The following CAPN14 variants were observed in gnomAD, a reference collection of about 807,000 sequenced individuals.
The protein encoded by CAPN14 is calpain 14, also known as calpain-14.
A neutral mutation model predicts 101.3 loss-of-function variants in CAPN14; 94 were observed. The observed-to-expected ratio is 0.93, with a 90% confidence interval of 0.79 to 1.10. The LOEUF is 1.10. Among genes scored for constraint, CAPN14 ranks in the 50% least tolerant of loss-of-function variants. The pLI is 0.00. For synonymous variants in CAPN14, 338 were observed against 317.9 expected (o/e 1.06, Z -0.67); for missense variants, 837 against 828.4 (o/e 1.01, Z -0.13).
At position 31,195,430 on chromosome 2, in the gene CAPN14, G is replaced by A. The variant is rs542453987; in HGVS notation, c.876-947C>T. 5.3e-5 allele frequency among the ~76,000 whole-genome samples: 8 copies of A among 152,250 alleles called. No individual in the cohort carries two copies. In the South Asian group the frequency reaches 1.2e-3, roughly 24 times the overall value. On this transcript the variant is annotated intron_variant, in intron 8 of 21. Coordinates refer to ENST00000403897, the MANE Select transcript of CAPN14 (RefSeq NM_001145122.2). ...CAGCTCACTGCAACCTCCGCCTCCC[G>A]GGTTCAAGCAATTCTCCTGCCTCAG...
At chr2:31,212,318 AAAAAAAAAAC>A (rs1353716720) in intron 1 of CAPN14, among the ~76,000 whole-genome samples, 3 of 151,304 alleles carry the variant, frequency 2.0e-5, no homozygotes, top group East Asian at 1.9e-4. Flanking sequence ...AAAACAAAAA[AAAAAAAAAAC>A]AAAAAAAACA....
At chr2:31,233,881 C>G (rs1363112174), upstream of CAPN14, 2 of 152,386 alleles carry the variant, frequency 1.3e-5, no homozygotes, top group Non-Finnish European at 2.9e-5. Flanking sequence ...TCCTCGCAGC[C>G]GTCCCTGAGA....
At chr2:31,221,911 G>A (rs1257352655), upstream of CAPN14, among the ~76,000 whole-genome samples, 1 of 152,216 alleles carries the variant, frequency 6.6e-6, no homozygotes, top group East Asian at 1.9e-4. Context: ...AGTTGCCAAT[G>A]TAGCAGCCCC....
At chr2:31,223,563 T>C (rs2148707294) in intron 2 of CAPN14, among the ~76,000 whole-genome samples, 2 of 142,120 alleles carry the variant, frequency 1.4e-5, no homozygotes, top group East Asian at 3.9e-4. Context: ...TTTTTTGAGA[T>C]GGAGTCCCAG....
intron 8 of CAPN14, 129 bp from the exon 9 acceptor site, chr2:31,194,612 T>G: frequency 1.5e-6 from 1 of 656,220 alleles, no homozygotes; most frequent in Non-Finnish European, 2.7e-6. Flanking sequence ...CCATTCCATA[T>G]TATACAGTAG....
intron 1 of CAPN14, chr2:31,228,465 C>T (rs1023229850): frequency 6.6e-6 from 1 of 152,184 alleles, no homozygotes; most frequent in African/African-American, 2.4e-5. Flanking sequence ...AGAGCAAACA[C>T]CACAGATATC....
chr2:31,193,039 G>A, intron 10 of CAPN14, 92 bp downstream of exon 10: 1 of 1,268,112 alleles, frequency 7.9e-7, no homozygotes, highest in South Asian at 1.4e-5. Context: ...CTCAGCCAAT[G>A]CAGAATTCGT....
At chr2:31,192,234 G>T in intron 10 of CAPN14, 136 bp from the exon 11 acceptor site, 2 of 1,037,366 alleles carry the variant, frequency 1.9e-6, no homozygotes, top group Non-Finnish European at 2.7e-6. Flanking sequence ...ACAGAGTCGG[G>T]GTCCCTTCAA....
At chr2:31,180,815 G>A (rs779578145) in intron 17 of CAPN14, 121 bp downstream of exon 17, 95 of 788,772 alleles carry the variant, frequency 1.2e-4, no homozygotes, top group Non-Finnish European at 1.8e-4. Context: ...GAGGCTCAGT[G>A]GCTTGTCCAG....
intron 1 of CAPN14, among the ~76,000 whole-genome samples, chr2:31,210,324 T>G (rs61209557): frequency 5.5e-4 from 84 of 151,800 alleles, no homozygotes; most frequent in African/African-American, 2.0e-3. Flanking sequence ...GGCAGGTGCC[T>G]GTAGTCCCAG....
intron 16 of CAPN14, among the ~76,000 whole-genome samples, chr2:31,184,031 G>A (rs948186073): frequency 8.5e-5 from 13 of 152,180 alleles, no homozygotes; most frequent in African/African-American, 3.1e-4. Context: ...ACAGGAGCGC[G>A]CCACCACATC....
intron 15 of CAPN14, among the ~76,000 whole-genome samples, chr2:31,187,462 T>G (rs1680954812): frequency 6.7e-6 from 1 of 148,806 alleles, no homozygotes; most frequent in African/African-American, 2.5e-5. Context: ...TCTGACATTC[T>G]ACTCTGCTAT....
chr2:31,194,631 T>G (rs935151667), intron 8 of CAPN14, 148 bp from the exon 9 acceptor site: 1 of 612,374 alleles, frequency 1.6e-6, no homozygotes, highest in East Asian at 2.8e-5. Flanking sequence ...AGCATGAACA[T>G]GAATTGATAG....
intron 1 of CAPN14, among the ~76,000 whole-genome samples, chr2:31,214,620 T>C (rs992116804): frequency 6.6e-6 from 1 of 152,182 alleles, no homozygotes; most frequent in African/African-American, 2.4e-5. Context: ...CATGCCTCTA[T>C]GGAGGTCTAA....
intron 15 of CAPN14, among the ~76,000 whole-genome samples, chr2:31,186,863 G>A (rs1680924067): frequency 6.6e-6 from 1 of 152,126 alleles, no homozygotes; most frequent in African/African-American, 2.4e-5. Context: ...TAAAACTGAG[G>A]CATATTCATA....
At chr2:31,194,540 T>C in intron 8 of CAPN14, 57 bp from the exon 9 acceptor site, 1 of 1,153,542 alleles carries the variant, frequency 8.7e-7, no homozygotes, top group South Asian at 1.3e-5. Flanking sequence ...AATTCTTTAG[T>C]AAAGGCTCTA....
intron 2 of CAPN14, among the ~76,000 whole-genome samples, chr2:31,225,870 T>A: frequency 6.6e-6 from 1 of 151,104 alleles, no homozygotes; most frequent in African/African-American, 2.4e-5. Context: ...CTGGAAAAAA[T>A]AAAAGACAGA....
intron 1 of CAPN14, among the ~76,000 whole-genome samples, chr2:31,208,149 ATTTTT>A (rs1201193738): frequency 6.6e-6 from 1 of 151,220 alleles, no homozygotes; most frequent in Non-Finnish European, 1.5e-5. Context: ...CAGGTCTTTT[ATTTTT>A]TTGACTCCAA....
chr2:31,176,368 G>A (rs978354177), intron 21 of CAPN14, among the ~76,000 whole-genome samples: 5 of 152,230 alleles, frequency 3.3e-5, no homozygotes, highest in African/African-American at 1.2e-4. Flanking sequence ...AGAGTTATTG[G>A]ATACACCTTT....
Sources: gnomAD v4.1 joint callset for allele counts (sites outside exome capture counted in the v4.1 genomes callset) on GRCh38, gnomAD v4.1.1 for gene constraint, MANE v1.5 for transcripts, NCBI Gene and HGNC (gene_info 2026-07-23, HGNC 2026-07-21) for gene names.